Variants in ADGRV1 observed in about 807,000 individuals in gnomAD.
The protein encoded by ADGRV1 is G-protein coupled receptor 98.
In ADGRV1, 359 loss-of-function variants were observed where a neutral mutation model predicts 596.2. The observed-to-expected ratio is 0.60, with a 90% CI of 0.55 to 0.66. The LOEUF (loss-of-function observed/expected upper bound fraction) is 0.66. ADGRV1 is among the 30% of genes least tolerant of loss of function. The pLI is 0.00. For synonymous variants in ADGRV1, 2,681 were observed against 2,679.2 expected (o/e 1.00, Z -0.02); for missense variants, 7,274 against 7,575.6 (o/e 0.96, Z 1.48).
chr5:90,848,762 G>A lies in ADGRV1; in HGVS notation c.17145G>A (p.Val5715=), dbSNP rs758932466. 6.3e-7 allele frequency: 1 copy of A among 1,589,460 alleles called. No homozygotes were observed. The highest frequency in any genetic ancestry group is 1.4e-5 in the African/African-American group (1 of 73,530). The change falls in exon 79 of 90, where the codon GTG becomes GTA. Residue 5715 remains valine (V), a synonymous_variant. Coordinates refer to ENST00000405460, the MANE Select transcript of ADGRV1 (RefSeq NM_032119.4). ...DTRGFSHFAE[V]TENFAFSLLT... ...GGGGATTCAGTCACTTTGCTGAAGT[G>A]ACTGAGAATTTTGCCTTTTCTCTGC... is the stretch of plus-strand genomic sequence containing the variant.
chr5:91,144,448 G>A (rs995762050), intron 87 of ADGRV1, among the ~76,000 whole-genome samples: 3 of 152,212 alleles, frequency 2.0e-5, no homozygotes, highest in Admixed American at 2.0e-4. Context: ...GGGATGGCAG[G>A]TGTGTGCTAC....
At chr5:90,693,114 T>A (rs1746698809) in intron 32 of ADGRV1, among the ~76,000 whole-genome samples, 1 of 152,068 alleles carries the variant, frequency 6.6e-6, no homozygotes, top group African/African-American at 2.4e-5. Context: ...GTATGATGTA[T>A]GAAGGAGCTG....
chr5:90,681,225 T>C (rs1317992453), intron 26 of ADGRV1, 90 bp from the exon 27 acceptor site: 28 of 1,435,998 alleles, frequency 1.9e-5, no homozygotes, highest in Non-Finnish European at 2.7e-5. Flanking sequence ...GAAGGACTCT[T>C]TTCAAAAAGT....
intron 84 of ADGRV1, among the ~76,000 whole-genome samples, chr5:90,971,218 G>A (rs745602244): frequency 5.3e-5 from 8 of 152,000 alleles, no homozygotes; most frequent in South Asian, 2.1e-4. Flanking sequence ...CCAAATCTAC[G>A]TCTGATTGGT....
chr5:91,088,628 G>A (rs148165476), intron 86 of ADGRV1, among the ~76,000 whole-genome samples: 141 of 152,130 alleles, frequency 9.3e-4, no homozygotes, highest in African/African-American at 3.2e-3. Context: ...AGATTCTGAT[G>A]CTTCTACTCT....
chr5:90,790,774 T>TA, intron 69 of ADGRV1, 99 bp from the exon 70 acceptor site: 1 of 514,606 alleles, frequency 1.9e-6, no homozygotes, highest in Non-Finnish European at 2.9e-6. Flanking sequence ...CACAATTATA[T>TA]TTTTTTTTTG....
At chr5:90,959,868 A>T (rs7704653) in intron 83 of ADGRV1, among the ~76,000 whole-genome samples, 1 of 151,994 alleles carries the variant, frequency 6.6e-6, no homozygotes, top group Non-Finnish European at 1.5e-5. Flanking sequence ...GTCTGGGCGC[A>T]GTGGCTCACG....
At chr5:90,718,794 T>A (rs1329698327) in intron 43 of ADGRV1, among the ~76,000 whole-genome samples, 1 of 152,094 alleles carries the variant, frequency 6.6e-6, no homozygotes, top group African/African-American at 2.4e-5. Context: ...TTTGTTGTTT[T>A]TTTTTACTGT....
intron 29 of ADGRV1, among the ~76,000 whole-genome samples, chr5:90,687,521 T>A (rs1392543666): frequency 1.3e-5 from 2 of 152,156 alleles, no homozygotes; most frequent in African/African-American, 4.8e-5. Context: ...CCACTCGTAT[T>A]CAACATAGTG....
chr5:90,901,033 C>T (rs1156973249), intron 83 of ADGRV1, among the ~76,000 whole-genome samples: 2 of 152,070 alleles, frequency 1.3e-5, no homozygotes, highest in Non-Finnish European at 2.9e-5. Flanking sequence ...AAGTCTCCCT[C>T]ATTCTTAAAA....
At position 91,150,098 on chromosome 5, in the gene ADGRV1, C is replaced by T. The variant is rs1795916500; in HGVS notation, c.18501C>T (p.Tyr6167=). ...NQMCCPMKAS[Y]TVEMNGHPGP... is the part of the protein sequence containing the mutation. ...TGTGTTGCCCTATGAAGGCCAGTTACACTGTGGAAATGAATGGGCATCCTG... is the reference window on the plus strand; with the variant it reads ...TGTGTTGCCCTATGAAGGCCAGTTATACTGTGGAAATGAATGGGCATCCTG... Residue 6167 remains tyrosine (Y), a synonymous_variant, in exon 88 of 90, where the codon TAC becomes TAT. Coordinates refer to ENST00000405460, the MANE Select transcript of ADGRV1 (RefSeq NM_032119.4). 6.4e-7 allele frequency: 1 copy of T among 1,567,692 alleles called. No individual in the cohort carries two copies. The highest frequency in any genetic ancestry group is 8.6e-7 in the Non-Finnish European group (1 of 1,156,632).
intron 82 of ADGRV1, among the ~76,000 whole-genome samples, chr5:90,861,604 C>T (rs200836646): frequency 7.2e-5 from 11 of 152,024 alleles, no homozygotes; most frequent in African/African-American, 1.4e-4. Flanking sequence ...CCACCATGCC[C>T]GGCTATACTT....
chr5:90,766,178 G>A (rs1229010416), intron 59 of ADGRV1, among the ~76,000 whole-genome samples: 1 of 152,066 alleles, frequency 6.6e-6, no homozygotes, highest in Non-Finnish European at 1.5e-5. Context: ...CAAAGTGCTG[G>A]GATTACAGGC....
intron 78 of ADGRV1, among the ~76,000 whole-genome samples, chr5:90,842,065 A>G (rs1765480313): frequency 6.6e-6 from 1 of 152,320 alleles, no homozygotes; most frequent in Non-Finnish European, 1.5e-5. Flanking sequence ...AGGGAAAGAG[A>G]AAGAATGTCC....
At chr5:91,022,365 G>T (rs897358073) in intron 85 of ADGRV1, among the ~76,000 whole-genome samples, 1 of 152,022 alleles carries the variant, frequency 6.6e-6, no homozygotes, top group East Asian at 1.9e-4. Context: ...TGTCAGTGGA[G>T]CCCAAATGGT....
At chr5:90,696,906 T>C in intron 33 of ADGRV1, 31 bp from the exon 34 acceptor site, 2 of 1,553,596 alleles carry the variant, frequency 1.3e-6, no homozygotes, top group Non-Finnish European at 1.8e-6. Context: ...ATTTTGTTAC[T>C]TTGGTTTTTA....
At chr5:90,930,625 C>T (rs1202414840) in intron 83 of ADGRV1, among the ~76,000 whole-genome samples, 1 of 151,964 alleles carries the variant, frequency 6.6e-6, no homozygotes, top group African/African-American at 2.4e-5. Context: ...TTTTTAAATA[C>T]TAGAGAGTTA....
intron 1 of ADGRV1, among the ~76,000 whole-genome samples, chr5:90,578,975 T>C (rs1363082693): frequency 6.6e-6 from 1 of 152,048 alleles, no homozygotes; most frequent in Non-Finnish European, 1.5e-5. Context: ...TTTTATTGAG[T>C]CTATTTGATT....
At chr5:91,000,172 T>C (rs1781742343) in intron 85 of ADGRV1, among the ~76,000 whole-genome samples, 1 of 152,084 alleles carries the variant, frequency 6.6e-6, no homozygotes, top group East Asian at 1.9e-4. Flanking sequence ...AAAATTGAGA[T>C]CTCTCAATTT....
Sources: gnomAD v4.1 joint callset for allele counts (sites outside exome capture counted in the v4.1 genomes callset) on GRCh38, gnomAD v4.1.1 for gene constraint, MANE v1.5 for transcripts, NCBI Gene and HGNC (gene_info 2026-07-23, HGNC 2026-07-21) for gene names.